The following RPS19 variants were observed in gnomAD, a reference collection of about 807,000 sequenced individuals.
The protein encoded by RPS19 is small ribosomal subunit protein eS19.
RPS19 carries 1 observed loss-of-function variant against 20.3 expected under a neutral mutation model. The ratio of observed to expected loss-of-function variants is 0.05; its 90% CI spans 0.02 to 0.23. The LOEUF (loss-of-function observed/expected upper bound fraction) is 0.23, where lower values mean the gene tolerates loss of function less well. Ranked by LOEUF, RPS19 falls within the 10% of genes least tolerant of loss-of-function variation. The pLI, the probability that RPS19 is intolerant of heterozygous loss-of-function variation, is 1.00. For missense variants in RPS19, 111 were observed against 192.7 expected (o/e 0.58, Z 2.51); for synonymous variants, 87 against 74.8 (o/e 1.16, Z -0.84).
At chr19:41,865,165 G>C (rs1455784480) in intron 3 of RPS19, among the ~76,000 whole-genome samples, 1 of 152,136 alleles carries the variant, frequency 6.6e-6, no homozygotes, top group Non-Finnish European at 1.5e-5. Flanking sequence ...TCAAGAGTTT[G>C]AGACCATCCT....
chr19:41,861,516 C>A (rs1374257432), intron 3 of RPS19: 1 of 403,670 alleles, frequency 2.5e-6, no homozygotes, highest in Non-Finnish European at 4.7e-6. Flanking sequence ...GAGGCAGACT[C>A]CCTGGGTTTG....
Position 41,860,977 on chromosome 19 carries a change from C to T in RPS19, c.71+132C>T, listed in dbSNP as rs2074023996. On this transcript the variant is annotated intron_variant, in intron 2 of 5. Coordinates refer to ENST00000598742, the MANE Select transcript of RPS19 (RefSeq NM_001022.4). ...CTCCGTGGCTCCTTTCAGCGTGAGGCCTGGCTTGTGTTCCGGTTCCAGCCT... is the reference window on the plus strand; with the variant it reads ...CTCCGTGGCTCCTTTCAGCGTGAGGTCTGGCTTGTGTTCCGGTTCCAGCCT... 5.4e-6 allele frequency: 6 copies of T among 1,105,652 alleles called. No homozygotes were observed. The South Asian group carries it at 6.2e-5, about 12-fold the overall frequency. 68.5% of individuals were successfully genotyped at this position (1,105,652 alleles called of 1,614,324 possible).
chr19:41,869,529 G>T lies in RPS19; in HGVS notation c.357-170G>T, dbSNP rs374520207. The T allele has an allele frequency of 3.9e-4, 264 of 669,774 alleles. No homozygotes were observed. The African/African-American group carries it at 4.0e-3, about 10-fold the overall frequency. The allele number at this position is 669,774 out of a possible 1,614,324, so 41.5% of individuals were successfully genotyped here. On this transcript the variant is annotated intron_variant, in intron 4 of 5. Coordinates refer to ENST00000598742, the MANE Select transcript of RPS19 (RefSeq NM_001022.4). ...ACAACACCCCGTCAGCTCCCAGGGG[G>T]GCTCCCACTACTGCCCCCAGCTCGT...
intron 3 of RPS19, chr19:41,864,248 G>A (rs1209999673): frequency 6.6e-6 from 1 of 152,280 alleles, no homozygotes; most frequent in African/African-American, 2.4e-5. Context: ...GCTGAATTGG[G>A]ATGTCTGGAA....
intron 1 of RPS19, 106 bp downstream of exon 1, chr19:41,860,395 C>A: frequency 5.6e-6 from 1 of 177,568 alleles, no homozygotes; most frequent in South Asian, 1.4e-4. Flanking sequence ...CGGGCCCGTC[C>A]CGCCCCCTAG....
chr19:41,860,565 G>T, intron 1 of RPS19: 4 of 616,722 alleles, frequency 6.5e-6, no homozygotes, highest in Non-Finnish European at 1.2e-5. Flanking sequence ...CAGGGGCCGG[G>T]CTCTGTTAGT....
chr19:41,870,300 GAGCACAT>G (rs1274972082), intron 5 of RPS19, among the ~76,000 whole-genome samples: 7 of 151,702 alleles, frequency 4.6e-5, no homozygotes, highest in Admixed American at 2.0e-4. Flanking sequence ...TCTATCCACA[GAGCACAT>G]AGCTGTACCC....
chr19:41,860,444 C>T (rs1366109500), intron 1 of RPS19, 155 bp downstream of exon 1: 4 of 349,250 alleles, frequency 1.1e-5, no homozygotes, highest in South Asian at 2.7e-5. Context: ...CGGACATGCC[C>T]GGTCAGCGCC....
intron 3 of RPS19, among the ~76,000 whole-genome samples, chr19:41,863,289 T>C (rs1274909325): frequency 1.3e-5 from 2 of 152,188 alleles, no homozygotes; most frequent in African/African-American, 4.8e-5. Flanking sequence ...ACAGGCAAAG[T>C]TGACCAGCCT....
At chr19:41,860,684 T>A in intron 1 of RPS19, 91 bp from the exon 2 acceptor site, 1 of 978,476 alleles carries the variant, frequency 1.0e-6, no homozygotes, top group Non-Finnish European at 1.7e-6. Flanking sequence ...CGGTTTAGGA[T>A]GCGCTGGAGC....
intron 3 of RPS19, among the ~76,000 whole-genome samples, chr19:41,861,909 C>T (rs2074036153): frequency 1.3e-5 from 2 of 152,214 alleles, no homozygotes; most frequent in Non-Finnish European, 2.9e-5. Context: ...CAGTCCCTGA[C>T]TAGTGTTAGT....
chr19:41,867,607 C>T (rs1056886040), intron 3 of RPS19, among the ~76,000 whole-genome samples: 2 of 152,182 alleles, frequency 1.3e-5, no homozygotes, highest in South Asian at 2.1e-4. Context: ...CCACTGCGCC[C>T]GGCCTGATCC....
intron 3 of RPS19, among the ~76,000 whole-genome samples, chr19:41,865,514 G>C (rs1357112197): frequency 6.6e-6 from 1 of 152,094 alleles, no homozygotes; most frequent in Non-Finnish European, 1.5e-5. Context: ...GAGGAGGAAC[G>C]GTGTCAGGAT....
chr19:41,862,122 A>G (rs2074038488), intron 3 of RPS19, among the ~76,000 whole-genome samples: 1 of 152,208 alleles, frequency 6.6e-6, no homozygotes, highest in Admixed American at 6.5e-5. Flanking sequence ...TCTCCAGATA[A>G]GAAGTAGGTG....
chr19:41,866,277 A>T (rs1184614366), intron 3 of RPS19, among the ~76,000 whole-genome samples: 1 of 152,164 alleles, frequency 6.6e-6, no homozygotes, highest in African/African-American at 2.4e-5. Context: ...GCAGGATAAC[A>T]GGAAAAGCTA....
chr19:41,867,616 C>G (rs1044247764), intron 3 of RPS19, among the ~76,000 whole-genome samples: 2 of 152,154 alleles, frequency 1.3e-5, no homozygotes, highest in Non-Finnish European at 2.9e-5. Context: ...CCGGCCTGAT[C>G]CCATATATTT....
chr19:41,862,402 A>G (rs2074041356), intron 3 of RPS19, among the ~76,000 whole-genome samples: 1 of 152,040 alleles, frequency 6.6e-6, no homozygotes, highest in African/African-American at 2.4e-5. Flanking sequence ...TTTGTTTTAG[A>G]CAGAAAATGG....
At chr19:41,869,360 A>G in intron 4 of RPS19, 146 bp downstream of exon 4, 3 of 794,206 alleles carry the variant, frequency 3.8e-6, no homozygotes, top group Non-Finnish European at 6.1e-6. Flanking sequence ...AGAAAAGCAA[A>G]CAGCACGGGG....
chr19:41,860,706 G>A, intron 1 of RPS19, 69 bp from the exon 2 acceptor site: 1 of 1,121,596 alleles, frequency 8.9e-7, no homozygotes, highest in Non-Finnish European at 1.4e-6. Context: ...AAAGGATTGG[G>A]GTGGGGTCCG....
Sources: gnomAD v4.1 joint callset for allele counts (sites outside exome capture counted in the v4.1 genomes callset) on GRCh38, gnomAD v4.1.1 for gene constraint, MANE v1.5 for transcripts, NCBI Gene and HGNC (gene_info 2026-07-23, HGNC 2026-07-21) for gene names.